The following PIGQ variants were observed in gnomAD, a reference collection of about 807,000 sequenced individuals.
The protein encoded by PIGQ is phosphatidylinositol N-acetylglucosaminyltransferase subunit Q.
Under a neutral mutation model 60.3 loss-of-function variants are expected in PIGQ, and 54 were observed. The observed-to-expected ratio is 0.90, with a 90% CI of 0.72 to 1.12. PIGQ has a LOEUF of 1.12. Among genes scored for constraint, PIGQ ranks in the 50% most tolerant of loss-of-function variants. The probability of loss-of-function intolerance (pLI) is 0.00; values close to 1 mark genes in which losing one functional copy is unlikely to be tolerated. For synonymous variants in PIGQ, 416 were observed against 363.7 expected (o/e 1.14, Z -1.64); for missense variants, 799 against 793.5 (o/e 1.01, Z -0.08).
intron 4 of PIGQ, 147 bp from the exon 5 acceptor site, chr16:578,232 A>G: frequency 1.4e-6 from 1 of 726,526 alleles, no homozygotes; most frequent in Non-Finnish European, 2.2e-6. Flanking sequence ...TGTGAAGGGG[A>G]GCCCGTGTGC....
intron 4 of PIGQ, 86 bp downstream of exon 4, chr16:576,340 C>G: frequency 7.0e-7 from 1 of 1,420,680 alleles, no homozygotes; most frequent in Non-Finnish European, 9.4e-7. Flanking sequence ...CCAGAGCCAC[C>G]GCCCCACAAA....
At chr16:576,109 C>G (rs780448367) in intron 3 of PIGQ, 25 bp from the exon 4 acceptor site, 1 of 1,545,588 alleles carries the variant, frequency 6.5e-7, no homozygotes, top group South Asian at 1.2e-5. Flanking sequence ...ACCCTCATGC[C>G]GGCCGGGCCG....
intron 6 of PIGQ, 52 bp from the exon 7 acceptor site, chr16:579,017 G>T: frequency 1.4e-6 from 2 of 1,442,508 alleles, no homozygotes; most frequent in East Asian, 2.5e-5. Flanking sequence ...GAGTGGGGCG[G>T]GGGCGGGGCG....
chr16:572,993 G>A (rs934059750), intron 1 of PIGQ, among the ~76,000 whole-genome samples: 3 of 152,224 alleles, frequency 2.0e-5, no homozygotes, highest in Non-Finnish European at 2.9e-5. Context: ...TGAGGAAGGC[G>A]AGCGGCCCAG....
At position 583,780 on chromosome 16, in the gene PIGQ, C is replaced by A; in HGVS notation, c.*745C>A. The A allele has an allele frequency of 1.2e-6, 1 of 869,104 alleles. No individual in the cohort carries two copies. Among genetic ancestry groups the A allele is most frequent in the Non-Finnish European group, 1.9e-6 (1 of 533,822 alleles). 53.8% of individuals were successfully genotyped at this position (869,104 alleles called of 1,614,324 possible). A position where few individuals can be genotyped will look rare whatever the true frequency, so the allele number is the denominator to read the frequency against. On this transcript the variant is annotated 3_prime_UTR_variant, in exon 11 of 11. Transcript: ENST00000321878. ...AGGTCCTGCGGCCAAATCTGTCTCCCTTCATGGGCCTCCCAGGGAAGGAGG... is the reference window on the plus strand; with the variant it reads ...AGGTCCTGCGGCCAAATCTGTCTCCATTCATGGGCCTCCCAGGGAAGGAGG...
At chr16:579,264 G>A (rs1596386054) in intron 7 of PIGQ, 84 bp downstream of exon 7, 2 of 1,076,064 alleles carry the variant, frequency 1.9e-6, no homozygotes, top group East Asian at 2.4e-5. Flanking sequence ...GGCACCACAA[G>A]GGGGCAGCCT....
intron 2 of PIGQ, 139 bp from the exon 3 acceptor site, chr16:575,700 A>T: frequency 1.1e-6 from 1 of 875,690 alleles, no homozygotes; most frequent in Non-Finnish European, 1.8e-6. Flanking sequence ...CACCTGGGCC[A>T]CCGAGGGCCC....
At chr16:574,977 G>T (rs1048999997) in intron 2 of PIGQ, among the ~76,000 whole-genome samples, 1 of 152,208 alleles carries the variant, frequency 6.6e-6, no homozygotes, top group African/African-American at 2.4e-5. Context: ...CAGGTCTCTG[G>T]GCAGCCTCAG....
At chr16:571,564 T>C (rs1433902394) in intron 1 of PIGQ, among the ~76,000 whole-genome samples, 1 of 93,126 alleles carries the variant, frequency 1.1e-5, no homozygotes, top group Non-Finnish European at 2.0e-5. Flanking sequence ...CTGGCTAGCC[T>C]GGTGCCCGTG....
In PIGQ at chr16:583,406, G is replaced by A; in HGVS notation, c.*371G>A. On this transcript the variant is annotated 3_prime_UTR_variant, in exon 11 of 11. Coordinates refer to ENST00000321878, the MANE Select transcript of PIGQ (RefSeq NM_004204.5). ...CACAGCAGCCCCAGGTGGAGGGCTG[G>A]TCTCCCTGGGGGCTCCCCAGTGGCT... The A allele has an allele frequency of 1.2e-6, 2 of 1,612,798 alleles. No homozygotes were observed. Among genetic ancestry groups the A allele is most frequent in the Non-Finnish European group, 1.7e-6 (2 of 1,179,964 alleles).
At chr16:577,577 A>AG (rs777311595) in intron 4 of PIGQ, among the ~76,000 whole-genome samples, 160 of 112,006 alleles carry the variant, frequency 1.4e-3, no homozygotes, top group Admixed American at 6.7e-3. Flanking sequence ...ACTCCGTCTC[A>AG]GAAAAAAAAA....
chr16:571,756 C>T (rs1169720686), intron 1 of PIGQ, among the ~76,000 whole-genome samples: 1 of 152,118 alleles, frequency 6.6e-6, no homozygotes, highest in Non-Finnish European at 1.5e-5. Flanking sequence ...GTGCAGGCTT[C>T]TTTGTGCCGC....
At chr16:575,779 G>T in intron 2 of PIGQ, 60 bp from the exon 3 acceptor site, 1 of 1,512,718 alleles carries the variant, frequency 6.6e-7, no homozygotes, top group Non-Finnish European at 8.9e-7. Flanking sequence ...CCTGCACAGT[G>T]GGGGACGGTG....
intron 4 of PIGQ, chr16:576,612 A>G (rs1366147411): frequency 2.1e-6 from 1 of 480,608 alleles, no homozygotes; most frequent in African/African-American, 2.0e-5. Context: ...CTGCAGAGCC[A>G]GGGTCATGAA....
intron 7 of PIGQ, 173 bp from the exon 8 acceptor site, chr16:580,010 T>A: frequency 1.9e-6 from 1 of 520,156 alleles, no homozygotes; most frequent in Non-Finnish European, 3.4e-6. Context: ...GTCCGTGGGG[T>A]GTGGGTGGAC....
In PIGQ at chr16:576,176, G is replaced by C. The variant is rs1329586819; in HGVS notation, c.864G>C (p.Leu288=). 1.9e-6 allele frequency: 3 copies of C among 1,549,580 alleles called. No individual in the cohort carries two copies. In the East Asian group the frequency reaches 7.3e-5, roughly 38 times the overall value. ...CCTCTGTGCTGCTGGACGTGGCCCT[G>C]GGCCTCATGCTGCTGTCCTGGCTCC... ...TVASVLLDVA[L]GLMLLSWLHG... Residue 288 remains leucine, a synonymous_variant, in exon 4 of 11, where the codon CTG becomes CTC. Transcript: ENST00000321878.
chr16:572,798 G>C (rs1039767645), intron 1 of PIGQ, among the ~76,000 whole-genome samples: 4 of 152,162 alleles, frequency 2.6e-5, no homozygotes, highest in African/African-American at 9.7e-5. Flanking sequence ...GATGTGGTGG[G>C]CACTGCGACC....
intron 10 of PIGQ, 91 bp downstream of exon 10, chr16:582,400 C>T (rs1366400727): frequency 9.8e-6 from 9 of 921,306 alleles, no homozygotes; most frequent in African/African-American, 3.3e-5. Flanking sequence ...GGTGGCACCA[C>T]GCCAGCCTGC....
At chr16:578,109 G>A (rs1265028306) in intron 4 of PIGQ, 2 of 385,964 alleles carry the variant, frequency 5.2e-6, no homozygotes, top group East Asian at 5.0e-5. Context: ...AGATGGTAGA[G>A]GTGGGTGCAG....
Sources: gnomAD v4.1 joint callset for allele counts (sites outside exome capture counted in the v4.1 genomes callset) on GRCh38, gnomAD v4.1.1 for gene constraint, MANE v1.5 for transcripts, NCBI Gene and HGNC (gene_info 2026-07-23, HGNC 2026-07-21) for gene names.